The following RNF152 variants were observed in gnomAD, a reference collection of about 807,000 sequenced individuals.
The protein encoded by RNF152 is E3 ubiquitin-protein ligase RNF152.
RNF152 carries 11 observed loss-of-function variants against 12.7 expected under a neutral mutation model. That is an observed-to-expected ratio of 0.86 (90% CI 0.54 to 1.43). The LOEUF (loss-of-function observed/expected upper bound fraction) is 1.43, where lower values mean the gene tolerates loss of function less well. RNF152 is among the 40% of genes most tolerant of loss of function. RNF152 has a pLI of 0.00. For synonymous variants in RNF152, 113 were observed against 120.3 expected (o/e 0.94, Z 0.40); for missense variants, 255 against 274.8 (o/e 0.93, Z 0.51).
rs551917974 is a variant in RNF152, at chr18:61,849,172, C to A, written c.-135-32574G>T. On this transcript the variant is annotated intron_variant, in intron 1 of 1. Transcript: ENST00000312828. ...TGGGTGGAGAAACAGGGGAGTACTGCCCTGCGGGGGCTTCACCAGCTCACA... is the reference window on the plus strand; with the variant it reads ...TGGGTGGAGAAACAGGGGAGTACTGACCTGCGGGGGCTTCACCAGCTCACA... 8.5e-4 allele frequency among the ~76,000 whole-genome samples: 129 copies of A among 152,246 alleles called. No individual in the cohort carries two copies. In the Middle Eastern group the frequency reaches 0.014, roughly 16 times the overall value.
intron 1 of RNF152, among the ~76,000 whole-genome samples, chr18:61,855,346 T>C (rs1215498460): frequency 6.6e-6 from 1 of 152,256 alleles, no homozygotes; most frequent in African/African-American, 2.4e-5. Context: ...ATCATAGTGA[T>C]GGCAGAAGCG....
At chr18:61,866,006 A>G (rs1285137527) in intron 1 of RNF152, among the ~76,000 whole-genome samples, 1 of 152,164 alleles carries the variant, frequency 6.6e-6, no homozygotes, top group Non-Finnish European at 1.5e-5. Context: ...TCTGCCTCCT[A>G]AAATTTCTCT....
At position 61,885,310 on chromosome 18, in the gene RNF152, T is replaced by TTTTGTTTGTTTG. The variant is rs60594023; in HGVS notation, c.-136+7473_-136+7484dup. Among the ~76,000 whole-genome samples the TTTTGTTTGTTTG allele has an allele frequency of 2.1e-3, 315 of 151,302 alleles. 3 individuals are homozygous for TTTTGTTTGTTTG. The highest frequency in any genetic ancestry group is 0.013 in the Admixed American group (202 of 15,224). ...TTCACTACCTTTCAAACTGAGAGTGTTTTGTTTGTTTGTTTGAGACAGAGC... is the reference window on the plus strand; with the variant it reads ...TTCACTACCTTTCAAACTGAGAGTGTTTTGTTTGTTTGTTTGTTTGTTTGTTTGAGACAGAGC... On this transcript the variant is annotated intron_variant, in intron 1 of 1. Transcript: ENST00000312828.
intron 1 of RNF152, among the ~76,000 whole-genome samples, chr18:61,865,333 T>C (rs1911678879): frequency 6.6e-6 from 1 of 152,214 alleles, no homozygotes; most frequent in African/African-American, 2.4e-5. Flanking sequence ...TTTAAATGTC[T>C]ACTTATTTCA....
At chr18:61,883,674 G>T (rs1278620443) in intron 1 of RNF152, among the ~76,000 whole-genome samples, 1 of 152,128 alleles carries the variant, frequency 6.6e-6, no homozygotes, top group Non-Finnish European at 1.5e-5. Flanking sequence ...AAGTCTGGGG[G>T]TCACTCTACT....
intron 1 of RNF152, among the ~76,000 whole-genome samples, chr18:61,834,393 C>T (rs972188072): frequency 2.0e-5 from 3 of 152,192 alleles, no homozygotes; most frequent in African/African-American, 7.2e-5. Context: ...TCTATGTTCT[C>T]CTAGGAACCT....
intron 1 of RNF152, among the ~76,000 whole-genome samples, chr18:61,860,745 G>C (rs56881598): frequency 0.073 from 11,074 of 152,236 alleles, 390 homozygotes; most frequent in South Asian, 0.1. Context: ...CCAGAAGAAG[G>C]CACTGCTGTC....
chr18:61,870,042 A>G (rs966260277), intron 1 of RNF152, among the ~76,000 whole-genome samples: 10 of 152,226 alleles, frequency 6.6e-5, no homozygotes, highest in Admixed American at 1.3e-4. Context: ...AAGTCACCAT[A>G]TAACTTGTTA....
chr18:61,836,514 C>A (rs1434202924), intron 1 of RNF152, among the ~76,000 whole-genome samples: 1 of 152,078 alleles, frequency 6.6e-6, no homozygotes, highest in African/African-American at 2.4e-5. Flanking sequence ...CTCTCTCCTG[C>A]CAAGTGAGGA....
intron 1 of RNF152, among the ~76,000 whole-genome samples, chr18:61,821,700 T>G (rs955078823): frequency 3.9e-5 from 6 of 152,194 alleles, no homozygotes; most frequent in African/African-American, 1.4e-4. Context: ...CCAGGCTACA[T>G]AGCAGAAGGT....
In RNF152 at chr18:61,814,275, T is replaced by G. The variant is rs1477857848; in HGVS notation, c.*1577A>C. On this transcript the variant is annotated 3_prime_UTR_variant, in exon 2 of 2. Transcript: ENST00000312828. ...TCACAGGGCTATTTTCTAGCCTTGCTTTTTGGAATTAGCCCTGCTTGTCTT... is the reference window on the plus strand; with the variant it reads ...TCACAGGGCTATTTTCTAGCCTTGCGTTTTGGAATTAGCCCTGCTTGTCTT... 6.6e-6 allele frequency: 1 copy of G among 152,244 alleles called. No homozygotes were observed. Among genetic ancestry groups the G allele is most frequent in the African/African-American group, 2.4e-5 (1 of 41,468 alleles). The allele number at this position is 152,244 out of a possible 1,614,324, so 9.4% of individuals were successfully genotyped here.
At chr18:61,890,154 T>C (rs1490993917) in intron 1 of RNF152, among the ~76,000 whole-genome samples, 2 of 152,210 alleles carry the variant, frequency 1.3e-5, no homozygotes, top group Non-Finnish European at 2.9e-5. Flanking sequence ...AGGTTGTTGA[T>C]TCAATCAATA....
At chr18:61,879,988 T>C (rs926014291) in intron 1 of RNF152, among the ~76,000 whole-genome samples, 3 of 151,978 alleles carry the variant, frequency 2.0e-5, no homozygotes, top group Non-Finnish European at 4.4e-5. Flanking sequence ...AAAATTTTTT[T>C]TGTGCACAGC....
intron 1 of RNF152, among the ~76,000 whole-genome samples, chr18:61,832,502 G>A (rs1214399283): frequency 6.6e-6 from 1 of 152,074 alleles, no homozygotes; most frequent in East Asian, 1.9e-4. Flanking sequence ...CGCATACCCT[G>A]TAGAATTAAG....
intron 1 of RNF152, among the ~76,000 whole-genome samples, chr18:61,881,783 G>A (rs547416833): frequency 6.6e-6 from 1 of 152,168 alleles, no homozygotes; most frequent in East Asian, 1.9e-4. Context: ...GCATCTCCAC[G>A]CACAAGTTCT....
chr18:61,848,289 C>T (rs961744790), intron 1 of RNF152, among the ~76,000 whole-genome samples: 1 of 152,162 alleles, frequency 6.6e-6, no homozygotes, highest in African/African-American at 2.4e-5. Context: ...AGTTTTCTAG[C>T]TTTCTCAATA....
At chr18:61,880,780 A>G (rs968928723) in intron 1 of RNF152, among the ~76,000 whole-genome samples, 1 of 152,220 alleles carries the variant, frequency 6.6e-6, no homozygotes, top group Admixed American at 6.5e-5. Context: ...ACCACCATAT[A>G]AACAACAGTT....
At chr18:61,846,577 C>T (rs893244472) in intron 1 of RNF152, among the ~76,000 whole-genome samples, 3 of 152,140 alleles carry the variant, frequency 2.0e-5, no homozygotes, top group African/African-American at 7.2e-5. Flanking sequence ...TTCCTTTCCC[C>T]GCAACACTCT....
chr18:61,854,652 A>G (rs1487880088), intron 1 of RNF152, among the ~76,000 whole-genome samples: 1 of 152,146 alleles, frequency 6.6e-6, no homozygotes, highest in African/African-American at 2.4e-5. Flanking sequence ...AGTGACTACA[A>G]TTTTCAGTTT....
Sources: allele counts gnomAD v4.1 joint callset (sites outside exome capture counted in the v4.1 genomes callset), GRCh38; gene constraint gnomAD v4.1.1; transcripts MANE v1.5; gene names NCBI Gene and HGNC (gene_info 2026-07-23, HGNC 2026-07-21).